The following HS2ST1 variants were observed in gnomAD, a reference collection of about 807,000 sequenced individuals.
The protein encoded by HS2ST1 is 2-O-sulfotransferase.
Under a neutral mutation model 42.9 loss-of-function variants are expected in HS2ST1, and 18 were observed. The observed-to-expected ratio is 0.42, with a 90% CI of 0.29 to 0.62. HS2ST1 has a LOEUF of 0.62. Ranked by LOEUF, HS2ST1 falls within the 20% of genes least tolerant of loss-of-function variation. The pLI is 0.21. For synonymous variants in HS2ST1, 146 were observed against 152.9 expected, an observed-to-expected ratio of 0.95 and a Z score of 0.33; for missense variants, 334 against 433.8, an observed-to-expected ratio of 0.77 and a Z score of 2.04.
At chr1:87,081,459 A>G (rs1651686616) in intron 2 of HS2ST1, among the ~76,000 whole-genome samples, 1 of 152,238 alleles carries the variant, frequency 6.6e-6, no homozygotes, top group South Asian at 2.1e-4. Context: ...CAATAAATTA[A>G]GAAGGAAATT....
chr1:86,974,373 G>A (rs925992458), intron 1 of HS2ST1, among the ~76,000 whole-genome samples: 11 of 152,160 alleles, frequency 7.2e-5, no homozygotes, highest in South Asian at 2.1e-4. Context: ...GAGGCCATGG[G>A]AGTTCTGTGC....
chr1:87,045,349 A>G (rs1356232166), intron 1 of HS2ST1: 16 of 1,320,720 alleles, frequency 1.2e-5, no homozygotes, highest in African/African-American at 2.9e-5. Flanking sequence ...TCTTGTGATT[A>G]TTAGCTTCTG....
At chr1:87,045,906 C>T (rs1650645359) in intron 1 of HS2ST1, 6 of 698,626 alleles carry the variant, frequency 8.6e-6, no homozygotes, top group Admixed American at 1.8e-5. Flanking sequence ...TTGTGCTCAC[C>T]GGCTTCTCCC....
intron 1 of HS2ST1, among the ~76,000 whole-genome samples, chr1:87,057,064 C>T (rs1222048820): frequency 6.6e-6 from 1 of 152,024 alleles, no homozygotes; most frequent in Non-Finnish European, 1.5e-5. Flanking sequence ...TATGAAAATC[C>T]AGTTGTCTTC....
chr1:87,012,903 A>G (rs565728888), intron 1 of HS2ST1, among the ~76,000 whole-genome samples: 1 of 152,352 alleles, frequency 6.6e-6, no homozygotes, highest in South Asian at 2.1e-4. Flanking sequence ...TAAAGCTCCA[A>G]AATGATCTTT....
intron 2 of HS2ST1, among the ~76,000 whole-genome samples, chr1:87,075,167 TTTTTTTTTTTTTTTTTTTGGAGACAGGG>T: frequency 7.2e-6 from 1 of 139,586 alleles, no homozygotes; most frequent in East Asian, 2.1e-4. Flanking sequence ...CTACCTTTTT[TTTTTTTTTTTTTTTTTTTGGAGACAGGG>T]TTTTGCTCTT....
intron 1 of HS2ST1, among the ~76,000 whole-genome samples, chr1:86,999,019 A>G (rs151135147): frequency 7.8e-4 from 117 of 150,358 alleles, no homozygotes; most frequent in African/African-American, 2.6e-3. Context: ...CTTATTTACT[A>G]GTGCTTATAC....
intron 1 of HS2ST1, among the ~76,000 whole-genome samples, chr1:86,919,032 A>G (rs1177302002): frequency 6.6e-6 from 1 of 151,358 alleles, no homozygotes; most frequent in Non-Finnish European, 1.5e-5. Flanking sequence ...GCTGGAGTGC[A>G]GTGGCACGAT....
At chr1:86,948,152 A>G (rs1405035679) in intron 1 of HS2ST1, among the ~76,000 whole-genome samples, 2 of 151,960 alleles carry the variant, frequency 1.3e-5, no homozygotes, top group South Asian at 2.1e-4. Context: ...AGACTTCTCA[A>G]CTCTTCTTTG....
chr1:87,012,503 C>T (rs547481719), intron 1 of HS2ST1, among the ~76,000 whole-genome samples: 19 of 152,250 alleles, frequency 1.2e-4, no homozygotes, highest in South Asian at 6.2e-4. Context: ...GATTCAGTTG[C>T]CTCCCACTGT....
At chr1:87,084,007 T>C (rs990269289) in intron 2 of HS2ST1, among the ~76,000 whole-genome samples, 187 bp from the exon 3 acceptor site, 2 of 152,224 alleles carry the variant, frequency 1.3e-5, no homozygotes, top group East Asian at 3.8e-4. Flanking sequence ...AGTATAATGA[T>C]AGTAGCTGTC....
At chr1:86,997,287 AATCACT>A (rs1649131872) in intron 1 of HS2ST1, among the ~76,000 whole-genome samples, 1 of 152,146 alleles carries the variant, frequency 6.6e-6, no homozygotes, top group Non-Finnish European at 1.5e-5. Flanking sequence ...ATGGTAGTTT[AATCACT>A]ACCCAGGCCC....
rs72955546 is a variant in HS2ST1 at position 87,048,111 on chromosome 1, A to C, written c.125-24823A>C. Among the ~76,000 whole-genome samples the C allele has an allele frequency of 3.8e-3, 579 of 152,146 alleles. 4 individuals are homozygous for C. Among genetic ancestry groups the C allele is most frequent in the African/African-American group, 0.013 (539 of 41,536 alleles). Reference sequence around the variant, plus strand: ...TTAATTTTTCTCAGCAGAGTTTTATAATTTTTACTGTATGGTCTTGTACAT... The same window carrying C: ...TTAATTTTTCTCAGCAGAGTTTTATCATTTTTACTGTATGGTCTTGTACAT... On this transcript the variant is annotated intron_variant, in intron 1 of 6. Transcript: ENST00000370550.
rs563024239 is a variant in HS2ST1, at chr1:87,059,939, C to T, written c.125-12995C>T. Among the ~76,000 whole-genome samples, 55 of 152,144 alleles carry T rather than the reference C, an allele frequency of 3.6e-4. No individual in the cohort carries two copies. In the South Asian group the frequency reaches 0.011, roughly 30 times the overall value. On this transcript the variant is annotated intron_variant, in intron 1 of 6. Transcript: ENST00000370550. ...TGGTACATTTAAAGAAAAACTTAGG[C>T]CCTATATTGGACCTACTTCAGACCT...
At chr1:86,976,708 A>G (rs1475572956) in intron 1 of HS2ST1, among the ~76,000 whole-genome samples, 2 of 131,290 alleles carry the variant, frequency 1.5e-5, no homozygotes, top group Non-Finnish European at 3.3e-5. Flanking sequence ...AAAATTGTAT[A>G]TATATATATA....
chr1:87,085,420 A>G (rs192219070), intron 3 of HS2ST1, among the ~76,000 whole-genome samples: 1 of 152,294 alleles, frequency 6.6e-6, no homozygotes, highest in Admixed American at 6.5e-5. Flanking sequence ...ACTTTTTGGG[A>G]AATCATGTAA....
At chr1:86,915,732 G>C (rs963717270) in intron 1 of HS2ST1, among the ~76,000 whole-genome samples, 5 of 152,226 alleles carry the variant, frequency 3.3e-5, no homozygotes, top group African/African-American at 4.8e-5. Context: ...GTAATTGCCA[G>C]CTGAGGGAGG....
chr1:87,035,113 A>G (rs1650340266), intron 1 of HS2ST1, among the ~76,000 whole-genome samples: 1 of 152,194 alleles, frequency 6.6e-6, no homozygotes, highest in South Asian at 2.1e-4. Context: ...CAGGAGCTAG[A>G]AAAGGATTTT....
At chr1:86,956,170 A>AT (rs1411868112) in intron 1 of HS2ST1, among the ~76,000 whole-genome samples, 1 of 138,618 alleles carries the variant, frequency 7.2e-6, no homozygotes, top group East Asian at 1.9e-4. Flanking sequence ...TTCAGCAACA[A>AT]TTTTTTGGGG....
Sources: allele counts gnomAD v4.1 joint callset (sites outside exome capture counted in the v4.1 genomes callset), GRCh38; gene constraint gnomAD v4.1.1; transcripts MANE v1.5; gene names NCBI Gene and HGNC (gene_info 2026-07-23, HGNC 2026-07-21).